FABP12: variants seen among roughly 807,000 people sequenced by gnomAD.
FABP12 encodes the protein fatty acid binding protein 12, also known as fatty acid-binding protein 12.
Under a neutral mutation model 13.7 loss-of-function variants are expected in FABP12, and 19 were observed. The observed-to-expected ratio is 1.39, with a 90% confidence interval of 0.97 to 2.04. FABP12 has a LOEUF of 2.04. Among genes scored for constraint, FABP12 ranks in the 30% most tolerant of loss-of-function variants. The probability of loss-of-function intolerance (pLI) is 0.00; values close to 1 mark genes in which losing one functional copy is unlikely to be tolerated. For missense variants in FABP12, 182 were observed against 164.2 expected (o/e 1.11, Z -0.59); for synonymous variants, 61 against 57.0 (o/e 1.07, Z -0.32).
In FABP12 at chr8:81,587,358, T is replaced by C. The variant is rs112123119; in HGVS notation, c.-185+2695A>G. Among the ~76,000 whole-genome samples, 751 of 152,272 alleles carry C rather than the reference T, an allele frequency of 4.9e-3. 3 individuals are homozygous for C. Among genetic ancestry groups the C allele is most frequent in the Non-Finnish European group, 8.8e-3 (601 of 68,014 alleles). On this transcript the variant is annotated intron_variant, in intron 1 of 5. Coordinates refer to the FABP12 transcript ENST00000692030. The stretch of plus-strand genomic sequence containing the variant: ...CATTGATAGTTTGATAGAAACAGCA[T>C]TGAATCTGTAAATGTCTTTGGGCAG...
At chr8:81,552,029 C>T (rs754969972) in intron 1 of FABP12, among the ~76,000 whole-genome samples, 2 of 152,138 alleles carry the variant, frequency 1.3e-5, no homozygotes, top group African/African-American at 2.4e-5. Flanking sequence ...ATTTGGACCA[C>T]AGACTAGCAA....
chr8:81,529,652 A>G (rs1425811001), intron 2 of FABP12, 42 bp from the exon 3 acceptor site: 3 of 1,521,124 alleles, frequency 2.0e-6, no homozygotes. Context: ...TTGCATAAAG[A>G]ATTACAAATA....
chr8:81,574,751 T>C (rs904553730), intron 1 of FABP12, among the ~76,000 whole-genome samples: 4 of 152,180 alleles, frequency 2.6e-5, no homozygotes, highest in African/African-American at 7.2e-5. Context: ...GTGTTCATAG[T>C]AGCCTTGAAT....
chr8:81,569,926 C>T (rs970683201), intron 1 of FABP12, among the ~76,000 whole-genome samples: 35 of 152,214 alleles, frequency 2.3e-4, no homozygotes, highest in Non-Finnish European at 4.6e-4. Flanking sequence ...GCCTGGCAGG[C>T]TGCACTCAGT....
chr8:81,568,622 C>T (rs1356004403), intron 1 of FABP12, among the ~76,000 whole-genome samples: 1 of 152,148 alleles, frequency 6.6e-6, no homozygotes, highest in Admixed American at 6.5e-5. Flanking sequence ...AGCAACACCA[C>T]GGCTAGGTAA....
Position 81,531,383 on chromosome 8 carries a change from T to C in FABP12, c.-68A>G, listed in dbSNP as rs1486590112. 8 of 1,058,120 alleles carry C rather than the reference T, an allele frequency of 7.6e-6. No individual in the cohort carries two copies. The South Asian group carries it at 1.2e-4, about 16-fold the overall frequency. 65.5% of individuals were successfully genotyped at this position (1,058,120 alleles called of 1,614,324 possible). A position where few individuals can be genotyped will look rare whatever the true frequency, so the allele number is the denominator to read the frequency against. ...TGTATGCTGGTTTTCCCTGAAGTAG[T>C]ATGGGAACTTGTTTTTAATACAATT... On this transcript the variant is annotated 5_prime_UTR_variant, in exon 2 of 5. It adds an upstream start codon to the 5' untranslated region. Transcript: ENST00000360464.
At chr8:81,571,229 G>C (rs1453895283) in intron 1 of FABP12, among the ~76,000 whole-genome samples, 1 of 152,190 alleles carries the variant, frequency 6.6e-6, no homozygotes, top group African/African-American at 2.4e-5. Context: ...CAGGCAGCCA[G>C]AGCAGGCACC....
intron 1 of FABP12, among the ~76,000 whole-genome samples, chr8:81,579,493 A>G (rs969749927): frequency 1.3e-5 from 2 of 152,316 alleles, no homozygotes; most frequent in Admixed American, 1.3e-4. Flanking sequence ...GTTTAGATTG[A>G]CAAATATCTG....
At chr8:81,584,912 C>A (rs1272167900) in intron 1 of FABP12, among the ~76,000 whole-genome samples, 1 of 152,002 alleles carries the variant, frequency 6.6e-6, no homozygotes, top group African/African-American at 2.4e-5. Flanking sequence ...TGTTGAGCAC[C>A]TTTTCATATA....
At chr8:81,556,935 A>AGCACAGTGGT (rs572111510) in intron 1 of FABP12, among the ~76,000 whole-genome samples, 145 of 128,756 alleles carry the variant, frequency 1.1e-3, no homozygotes, top group African/African-American at 4.3e-3. Context: ...CCCAGGATGG[A>AGCACAGTGGT]GTGATCTTGG....
chr8:81,559,791 T>TACA (rs1271338068), intron 1 of FABP12, among the ~76,000 whole-genome samples: 2 of 152,192 alleles, frequency 1.3e-5, no homozygotes, highest in East Asian at 3.9e-4. Flanking sequence ...AGCCACTGGA[T>TACA]ACAAGAAGAG....
chr8:81,566,434 C>A (rs528139405), intron 1 of FABP12, among the ~76,000 whole-genome samples: 35 of 152,108 alleles, frequency 2.3e-4, no homozygotes, highest in Admixed American at 1.4e-3. Context: ...TACTATCAAA[C>A]CAAATTTAAC....
Position 81,544,035 on chromosome 8 carries a change from C to T in FABP12, c.-184-4292G>A, listed in dbSNP as rs751257254. Among the ~76,000 whole-genome samples, 13 of 152,064 alleles carry T rather than the reference C, an allele frequency of 8.5e-5. No homozygotes were observed. The East Asian group carries it at 9.6e-4, about 11-fold the overall frequency. On this transcript the variant is annotated intron_variant, in intron 1 of 5. Transcript: ENST00000692030. ...AATAAAGATCTGGATCAGAAAAATACGTGGTGGTCTGGAGTAGGTAAGTTC... is the reference window on the plus strand; with the variant it reads ...AATAAAGATCTGGATCAGAAAAATATGTGGTGGTCTGGAGTAGGTAAGTTC...
intron 1 of FABP12, among the ~76,000 whole-genome samples, chr8:81,577,567 T>C (rs1408605774): frequency 6.6e-6 from 1 of 152,122 alleles, no homozygotes; most frequent in Non-Finnish European, 1.5e-5. Flanking sequence ...AAGATCAGCC[T>C]GGTCAACAGG....
chr8:81,576,181 T>C (rs1286519760), intron 1 of FABP12, among the ~76,000 whole-genome samples: 1 of 152,184 alleles, frequency 6.6e-6, no homozygotes, highest in African/African-American at 2.4e-5. Flanking sequence ...ATTTGAATGA[T>C]ATAACGATAG....
At chr8:81,580,133 A>C (rs1193110448) in intron 1 of FABP12, among the ~76,000 whole-genome samples, 3 of 152,212 alleles carry the variant, frequency 2.0e-5, no homozygotes, top group Non-Finnish European at 4.4e-5. Context: ...AGCTCCATCA[A>C]GCACCTAAAC....
chr8:81,568,855 G>A (rs905013670), intron 1 of FABP12, among the ~76,000 whole-genome samples: 1 of 152,132 alleles, frequency 6.6e-6, no homozygotes, highest in Non-Finnish European at 1.5e-5. Flanking sequence ...AATAAGTCAG[G>A]CACAGAAAGA....
upstream of FABP12, among the ~76,000 whole-genome samples, chr8:81,538,053 G>A (rs1809265502): frequency 6.6e-6 from 1 of 152,176 alleles, no homozygotes; most frequent in African/African-American, 2.4e-5. Context: ...TACAATCATG[G>A]CAGAAGGCAA....
At chr8:81,576,086 A>G (rs1302303593) in intron 1 of FABP12, among the ~76,000 whole-genome samples, 1 of 152,240 alleles carries the variant, frequency 6.6e-6, no homozygotes, top group Admixed American at 6.5e-5. Flanking sequence ...ATTTTCAATC[A>G]ACTAATATTT....
Sources: gnomAD v4.1 joint callset for allele counts (sites outside exome capture counted in the v4.1 genomes callset) on GRCh38, gnomAD v4.1.1 for gene constraint, MANE v1.5 for transcripts, NCBI Gene and HGNC (gene_info 2026-07-23, HGNC 2026-07-21) for gene names.